MYO16: variants seen among roughly 807,000 people sequenced by gnomAD.
MYO16 encodes the protein unconventional myosin-XVI.
In MYO16, 94 loss-of-function variants were observed where a neutral mutation model predicts 205.3. The observed-to-expected ratio is 0.46, with a 90% CI of 0.39 to 0.54. The LOEUF (loss-of-function observed/expected upper bound fraction) is 0.54. MYO16 is among the 20% of genes least tolerant of loss of function. The probability of loss-of-function intolerance (pLI) is 0.00; values close to 1 mark genes in which losing one functional copy is unlikely to be tolerated. For missense variants in MYO16, 2,315 were observed against 2,387.5 expected (o/e 0.97, Z 0.63); for synonymous variants, 988 against 954.0 (o/e 1.04, Z -0.66).
chr13:109,186,685 A>C (rs1176552634), intron 34 of MYO16, among the ~76,000 whole-genome samples: 1 of 152,110 alleles, frequency 6.6e-6, no homozygotes, highest in African/African-American at 2.4e-5. Flanking sequence ...CTTCATTGGA[A>C]ACTTTTCTGA....
intron 11 of MYO16, among the ~76,000 whole-genome samples, chr13:108,863,216 T>C (rs1359847796): frequency 6.6e-6 from 1 of 152,122 alleles, no homozygotes; most frequent in African/African-American, 2.4e-5. Context: ...CTTCATGAGA[T>C]AGAACTTCAC....
chr13:108,870,818 A>G (rs886065966), intron 12 of MYO16, among the ~76,000 whole-genome samples: 1 of 151,922 alleles, frequency 6.6e-6, no homozygotes, highest in Non-Finnish European at 1.5e-5. Context: ...TGTTGTATAG[A>G]TATATCCTTG....
intron 2 of MYO16, among the ~76,000 whole-genome samples, chr13:108,674,488 C>T (rs975111790): frequency 3.3e-5 from 5 of 152,092 alleles, no homozygotes; most frequent in East Asian, 1.9e-4. Context: ...GTGGTGATGG[C>T]GTTTTATTGG....
chr13:109,105,449 A>G (rs769300128), intron 28 of MYO16, among the ~76,000 whole-genome samples: 17 of 152,206 alleles, frequency 1.1e-4, no homozygotes, highest in Non-Finnish European at 2.4e-4. Flanking sequence ...TCCAGCCTGG[A>G]CAACAAGAGT....
chr13:109,117,515 G>GTA (rs542215314), intron 28 of MYO16, among the ~76,000 whole-genome samples: 199 of 147,350 alleles, frequency 1.4e-3, no homozygotes, highest in African/African-American at 3.2e-3. Flanking sequence ...ATATATGTAT[G>GTA]TATATATATA....
intron 28 of MYO16, among the ~76,000 whole-genome samples, chr13:109,112,478 G>A (rs902616657): frequency 4.6e-5 from 7 of 152,054 alleles, no homozygotes; most frequent in African/African-American, 1.4e-4. Flanking sequence ...TTTGATGGCC[G>A]GGCATGGTGG....
At chr13:109,114,281 C>T (rs1173929029) in intron 28 of MYO16, among the ~76,000 whole-genome samples, 1 of 152,210 alleles carries the variant, frequency 6.6e-6, no homozygotes, top group Non-Finnish European at 1.5e-5. Flanking sequence ...GAATGAATCA[C>T]TGGCCCCATC....
chr13:108,578,893 T>C, the MYO16 span, among the ~76,000 whole-genome samples: 2 of 149,130 alleles, frequency 1.3e-5, no homozygotes, highest in Non-Finnish European at 3.0e-5. Context: ...TAATTATATG[T>C]ATTATGTATT....
At chr13:108,501,465 A>T in the MYO16 span, among the ~76,000 whole-genome samples, 2 of 152,208 alleles carry the variant, frequency 1.3e-5, no homozygotes, top group Non-Finnish European at 2.9e-5. Context: ...CCTTCTACAG[A>T]TGAGGAAAAG....
intron 17 of MYO16, among the ~76,000 whole-genome samples, chr13:108,959,485 C>T (rs1883501288): frequency 6.6e-6 from 1 of 152,186 alleles, no homozygotes; most frequent in Admixed American, 6.5e-5. Context: ...TAAGGTAACC[C>T]AGGGAGACTC....
At chr13:109,158,644 A>G (rs55762578) in intron 32 of MYO16, among the ~76,000 whole-genome samples, 3,511 of 152,322 alleles carry the variant, frequency 0.023, 60 homozygotes, top group South Asian at 0.038. Context: ...CATGTAGATT[A>G]TGGCTAGAGG....
intron 15 of MYO16, among the ~76,000 whole-genome samples, chr13:108,900,083 G>A (rs1040671787): frequency 2.6e-5 from 4 of 152,170 alleles, no homozygotes; most frequent in African/African-American, 9.7e-5. Context: ...TTTAGCAAGA[G>A]GGAGAGAAAA....
intron 32 of MYO16, among the ~76,000 whole-genome samples, chr13:109,160,881 G>A (rs1297368501): frequency 6.6e-6 from 1 of 152,174 alleles, no homozygotes; most frequent in African/African-American, 2.4e-5. Context: ...CTTGATTTCT[G>A]ATTGTTGTAA....
Position 108,820,953 on chromosome 13 carries a change from GA to G in MYO16, c.943+542del, listed in dbSNP as rs148049863. Among the ~76,000 whole-genome samples, 208 of 151,998 alleles carry G rather than the reference GA, an allele frequency of 1.4e-3. 1 individual carries two copies. The highest frequency in any genetic ancestry group is 2.0e-3 in the Non-Finnish European group (134 of 67,936). On this transcript the variant is annotated intron_variant, in intron 8 of 34. Transcript: ENST00000457511. ...GATTTCTAAAATTATTTTAGTCACT[GA>G]CCTTTTGTATATTCATATACTTATT...
At chr13:108,915,260 T>G (rs1881443840) in intron 16 of MYO16, among the ~76,000 whole-genome samples, 1 of 152,122 alleles carries the variant, frequency 6.6e-6, no homozygotes. Flanking sequence ...AGAAAAAAAG[T>G]CTGTAGGTTT....
At chr13:108,837,896 T>C (rs890388504) in intron 9 of MYO16, among the ~76,000 whole-genome samples, 3 of 152,210 alleles carry the variant, frequency 2.0e-5, no homozygotes, top group Non-Finnish European at 4.4e-5. Context: ...AACTATCTTC[T>C]TTGTTCGTAG....
intron 1 of MYO16, among the ~76,000 whole-genome samples, chr13:108,654,118 C>G (rs1033496064): frequency 3.9e-5 from 6 of 151,940 alleles, no homozygotes; most frequent in Admixed American, 1.3e-4. Context: ...GTATTCCATT[C>G]CCTAGGAGGC....
At chr13:108,748,100 C>T (rs1192350653) in intron 4 of MYO16, among the ~76,000 whole-genome samples, 1 of 151,994 alleles carries the variant, frequency 6.6e-6, no homozygotes, top group Admixed American at 6.6e-5. Flanking sequence ...GATAGACTGT[C>T]TCCTGAGCAA....
At chr13:108,911,697 A>G (rs961273426) in intron 16 of MYO16, among the ~76,000 whole-genome samples, 3 of 152,210 alleles carry the variant, frequency 2.0e-5, no homozygotes, top group Non-Finnish European at 4.4e-5. Flanking sequence ...GGTGATTTGC[A>G]TCTGTGGAGA....
Sources: gnomAD v4.1 joint callset for allele counts (sites outside exome capture counted in the v4.1 genomes callset) on GRCh38, gnomAD v4.1.1 for gene constraint, MANE v1.5 for transcripts, NCBI Gene and HGNC (gene_info 2026-07-23, HGNC 2026-07-21) for gene names.